The following AGBL4 variants were observed in gnomAD, a reference collection of about 807,000 sequenced individuals.
AGBL4 encodes the protein cytosolic carboxypeptidase 6.
A neutral mutation model predicts 66.4 loss-of-function variants in AGBL4; 58 were observed. The ratio of observed to expected loss-of-function variants is 0.87; its 90% CI spans 0.71 to 1.09. The LOEUF (loss-of-function observed/expected upper bound fraction) is 1.09, where lower values mean the gene tolerates loss of function less well. Ranked by LOEUF, AGBL4 falls within the 50% of genes least tolerant of loss-of-function variation. AGBL4 has a pLI of 0.00. For synonymous variants in AGBL4, 234 were observed against 222.9 expected, an observed-to-expected ratio of 1.05 and a Z score of -0.44; for missense variants, 579 against 631.0, an observed-to-expected ratio of 0.92 and a Z score of 0.88.
At chr1:48,693,868 G>A (rs934734731) in intron 6 of AGBL4, among the ~76,000 whole-genome samples, 1 of 152,084 alleles carries the variant, frequency 6.6e-6, no homozygotes, top group Non-Finnish European at 1.5e-5. Context: ...CCTCCTGCCG[G>A]GTACTGGGCA....
intron 3 of AGBL4, among the ~76,000 whole-genome samples, chr1:49,498,557 A>C (rs1254297711): frequency 2.0e-5 from 3 of 151,586 alleles, no homozygotes; most frequent in African/African-American, 4.8e-5. Context: ...TATACTACAG[A>C]GTTGGAGGAC....
At chr1:48,981,533 A>G (rs1240406268) in intron 5 of AGBL4, among the ~76,000 whole-genome samples, 1 of 152,168 alleles carries the variant, frequency 6.6e-6, no homozygotes, top group African/African-American at 2.4e-5. Flanking sequence ...ATCTGACTAC[A>G]TGAGAAGACA....
intron 2 of AGBL4, among the ~76,000 whole-genome samples, chr1:49,721,955 C>T (rs1001771782): frequency 6.6e-6 from 1 of 152,128 alleles, no homozygotes; most frequent in African/African-American, 2.4e-5. Context: ...ATGATCAATA[C>T]AGAACTTGAA....
At chr1:48,668,002 A>T (rs1277961893) in intron 6 of AGBL4, among the ~76,000 whole-genome samples, 2 of 121,534 alleles carry the variant, frequency 1.6e-5, no homozygotes, top group South Asian at 5.9e-4. Context: ...TGGGGGAAGC[A>T]TTTGTTGTTG....
intron 4 of AGBL4, among the ~76,000 whole-genome samples, chr1:49,201,048 G>A (rs1422842539): frequency 6.6e-6 from 1 of 152,160 alleles, no homozygotes; most frequent in Non-Finnish European, 1.5e-5. Flanking sequence ...GGTTTTAGGA[G>A]ATGGATATCA....
intron 5 of AGBL4, among the ~76,000 whole-genome samples, chr1:48,910,512 C>T (rs1338525997): frequency 6.6e-6 from 1 of 152,132 alleles, no homozygotes; most frequent in African/African-American, 2.4e-5. Flanking sequence ...GAAAAATATG[C>T]AGGCCCCCCA....
intron 2 of AGBL4, among the ~76,000 whole-genome samples, chr1:49,839,849 T>C (rs1645945466): frequency 6.6e-6 from 1 of 152,352 alleles, no homozygotes; most frequent in South Asian, 2.1e-4. Context: ...TACTTTCTCC[T>C]ATTATAATTC....
chr1:49,343,129 CTGAAT>C, intron 3 of AGBL4, among the ~76,000 whole-genome samples: 1 of 151,880 alleles, frequency 6.6e-6, no homozygotes, highest in South Asian at 2.1e-4. Flanking sequence ...CTCAGTCGGC[CTGAAT>C]TATTTCCCCC....
At chr1:49,257,860 C>G (rs1007077468) in intron 3 of AGBL4, among the ~76,000 whole-genome samples, 1 of 152,164 alleles carries the variant, frequency 6.6e-6, no homozygotes, top group Non-Finnish European at 1.5e-5. Context: ...ACTGCCTCCT[C>G]TAGAGGGTCC....
chr1:48,630,487 A>G lies in AGBL4; in HGVS notation c.951+4006T>C, dbSNP rs866469614. Among the ~76,000 whole-genome samples the G allele has an allele frequency of 6.6e-5, 10 of 152,078 alleles. No individual in the cohort carries two copies. The South Asian group carries it at 8.3e-4, about 13-fold the overall frequency. ...CCACACTACTCGGCTGCCCAAGTCA[A>G]AACCATAGGGATCATGCAAGACTCC... On this transcript the variant is annotated intron_variant, in intron 9 of 13. Coordinates refer to ENST00000371839, the MANE Select transcript of AGBL4 (RefSeq NM_032785.4).
intron 2 of AGBL4, among the ~76,000 whole-genome samples, chr1:49,829,660 G>A (rs1036970658): frequency 3.2e-4 from 49 of 151,968 alleles, no homozygotes; most frequent in Admixed American, 2.8e-3. Flanking sequence ...AAACATGTGC[G>A]GAACGGTGCA....
At chr1:48,778,871 T>C (rs1342295987) in intron 6 of AGBL4, among the ~76,000 whole-genome samples, 1 of 152,094 alleles carries the variant, frequency 6.6e-6, no homozygotes, top group Non-Finnish European at 1.5e-5. Flanking sequence ...TGTAGGTCAG[T>C]ACAAATTTTT....
chr1:49,206,172 G>C (rs1648112772), intron 4 of AGBL4, among the ~76,000 whole-genome samples: 1 of 152,114 alleles, frequency 6.6e-6, no homozygotes, highest in South Asian at 2.1e-4. Context: ...TGGGAAGAGG[G>C]GCAATCTGTA....
rs562353550 is a variant in AGBL4, at chr1:49,940,807, T to C, written c.34+82956A>G. Among the ~76,000 whole-genome samples the C allele has an allele frequency of 4.0e-3, 612 of 151,982 alleles. 1 individual carries two copies. Among genetic ancestry groups the C allele is most frequent in the Non-Finnish European group, 7.0e-3 (476 of 67,962 alleles). Reference sequence around the variant, plus strand: ...CATGGCACATGTATACATATGTAACTAACCTGCACATTGTGCACATGTACC... The same window carrying C: ...CATGGCACATGTATACATATGTAACCAACCTGCACATTGTGCACATGTACC... On this transcript the variant is annotated intron_variant, in intron 1 of 13. Coordinates refer to ENST00000371839, the MANE Select transcript of AGBL4 (RefSeq NM_032785.4).
chr1:49,934,119 A>G (rs1019917176), intron 1 of AGBL4, among the ~76,000 whole-genome samples: 4 of 152,186 alleles, frequency 2.6e-5, no homozygotes, highest in African/African-American at 9.6e-5. Context: ...AATCATCATA[A>G]GTAGATAGCA....
intron 6 of AGBL4, among the ~76,000 whole-genome samples, chr1:48,817,301 A>T (rs1433906530): frequency 2.0e-5 from 3 of 152,216 alleles, no homozygotes; most frequent in African/African-American, 7.2e-5. Context: ...ACTAGCCTCC[A>T]GAATCAAATG....
intron 3 of AGBL4, among the ~76,000 whole-genome samples, chr1:49,310,827 A>G (rs1475151610): frequency 6.6e-6 from 1 of 152,086 alleles, no homozygotes; most frequent in African/African-American, 2.4e-5. Flanking sequence ...TCAAAAAAGT[A>G]CGTCTGTAGT....
At chr1:49,864,620 T>C (rs1256699908) in intron 1 of AGBL4, among the ~76,000 whole-genome samples, 3 of 152,160 alleles carry the variant, frequency 2.0e-5, no homozygotes, top group African/African-American at 7.2e-5. Flanking sequence ...GTGGTTGTGC[T>C]ACCCAACCTG....
chr1:48,667,376 G>A (rs1367625709), intron 6 of AGBL4, among the ~76,000 whole-genome samples: 1 of 152,174 alleles, frequency 6.6e-6, no homozygotes, highest in Non-Finnish European at 1.5e-5. Flanking sequence ...CACATGGTGA[G>A]GTACTAAAGT....
Sources: gnomAD v4.1 joint callset for allele counts (sites outside exome capture counted in the v4.1 genomes callset) on GRCh38, gnomAD v4.1.1 for gene constraint, MANE v1.5 for transcripts, NCBI Gene and HGNC (gene_info 2026-07-23, HGNC 2026-07-21) for gene names.